Variants in CEP57L1 observed in about 807,000 individuals in gnomAD.
The protein encoded by CEP57L1 is centrosomal protein 57 like 1, also known as centrosomal protein CEP57L1.
In CEP57L1, 37 loss-of-function variants were observed where a neutral mutation model predicts 61.0. The ratio of observed to expected loss-of-function variants is 0.61; its 90% confidence interval spans 0.47 to 0.80. CEP57L1 has a LOEUF of 0.80. Ranked by LOEUF, CEP57L1 falls within the 30% of genes least tolerant of loss-of-function variation. The probability of loss-of-function intolerance (pLI) is 0.00; values close to 1 mark genes in which losing one functional copy is unlikely to be tolerated. For synonymous variants in CEP57L1, 137 were observed against 162.3 expected, an observed-to-expected ratio of 0.84 and a Z score of 1.19; for missense variants, 422 against 524.7, an observed-to-expected ratio of 0.80 and a Z score of 1.91.
chr6:109,159,332 C>T lies in CEP57L1; in HGVS notation c.886C>T (p.Leu296Phe). ...TTTTAACGTGACTGAGACTAGATGT[C>T]TCCCCAAGCCTTCTAGAACAACTTC... The part of the protein sequence containing the change: ...KPFNVTETRC[L>F]PKPSRTTSWC... The change falls in exon 9 of 11, where the codon CTC becomes TTC. Residue 296 changes from leucine to phenylalanine, a missense_variant. Coordinates refer to ENST00000517392, the MANE Select transcript of CEP57L1 (RefSeq NM_001271852.3). The T allele has an allele frequency of 6.2e-7, 1 of 1,614,104 alleles. No homozygotes were observed. Among genetic ancestry groups the T allele is most frequent in the Non-Finnish European group, 8.5e-7 (1 of 1,179,982 alleles).
rs551066674 is a variant in CEP57L1 at position 109,131,558 on chromosome 6, G to A, written c.-3-13661G>A. On this transcript the variant is annotated intron_variant, in intron 1 of 10. Coordinates refer to ENST00000517392, the MANE Select transcript of CEP57L1 (RefSeq NM_001271852.3). ...TGCAACTAAAACTGGTTTGTCTGAA[G>A]CAGTTAGTATCTCTAAAGTATGTCT... 4.9e-4 allele frequency among the ~76,000 whole-genome samples: 75 copies of A among 151,944 alleles called. 1 individual carries two copies. Among genetic ancestry groups the A allele is most frequent in the South Asian group, 2.5e-3 (12 of 4,808 alleles).
chr6:109,148,858 T>C (rs1407782238), intron 3 of CEP57L1, among the ~76,000 whole-genome samples: 2 of 152,382 alleles, frequency 1.3e-5, no homozygotes, highest in East Asian at 3.9e-4. Context: ...TTTGCATTTC[T>C]CTGATGGCCA....
At chr6:109,096,897 C>T (rs1244847097) in intron 1 of CEP57L1, among the ~76,000 whole-genome samples, 1 of 152,080 alleles carries the variant, frequency 6.6e-6, no homozygotes, top group Non-Finnish European at 1.5e-5. Flanking sequence ...TCATGTATAC[C>T]CATGGCTTCA....
intron 7 of CEP57L1, chr6:109,157,230 A>G (rs1319861783): frequency 6.6e-6 from 1 of 152,156 alleles, no homozygotes; most frequent in Non-Finnish European, 1.5e-5. Context: ...GTCTCTTTTT[A>G]AAGATGGAGG....
chr6:109,145,448 G>T (rs1771863164), intron 2 of CEP57L1, 67 bp downstream of exon 2: 1 of 1,083,470 alleles, frequency 9.2e-7, no homozygotes, highest in Non-Finnish European at 1.3e-6. Flanking sequence ...TATTTATGTG[G>T]AATACAATAT....
rs1387112550 is a variant in CEP57L1 at position 109,125,520 on chromosome 6, A to T, written c.-3-19699A>T. 3.6e-4 allele frequency among the ~76,000 whole-genome samples: 51 copies of T among 142,110 alleles called. 1 individual carries two copies. The South Asian group carries it at 8.5e-3, about 24-fold the overall frequency. 93.2% of individuals were successfully genotyped at this position (142,110 alleles called of 152,430 possible). A position where few individuals can be genotyped will look rare whatever the true frequency, so the allele number is the denominator to read the frequency against. ...TATATATATATATACATATATATAT[A>T]TATATTTTTTTTTTAACCAGTTTCT... is the stretch of plus-strand genomic sequence containing the variant. On this transcript the variant is annotated intron_variant, in intron 1 of 10. Transcript: ENST00000517392.
chr6:109,169,859 A>G lies in CEP57L1; in HGVS notation c.*6889A>G, dbSNP rs1001229835. On this transcript the variant is annotated 3_prime_UTR_variant, in exon 11 of 11. Coordinates refer to ENST00000517392, the MANE Select transcript of CEP57L1 (RefSeq NM_001271852.3). ...CCTATTTTTCCGAGCATCAACAGTC[A>G]GTGGCACCATGAAAATTAAAAACCT... Among the ~76,000 whole-genome samples the G allele has an allele frequency of 6.6e-6, 1 of 152,226 alleles. No individual in the cohort carries two copies. Among genetic ancestry groups the G allele is most frequent in the African/African-American group, 2.4e-5 (1 of 41,462 alleles).
At chr6:109,146,066 AATTT>A (rs1388494515) in intron 2 of CEP57L1, among the ~76,000 whole-genome samples, 1 of 151,924 alleles carries the variant, frequency 6.6e-6, no homozygotes, top group South Asian at 2.1e-4. Flanking sequence ...GAATAAATAT[AATTT>A]ATTTATCTCA....
Position 109,169,243 on chromosome 6 carries a change from A to AC in CEP57L1, c.*6273_*6274insC, listed in dbSNP as rs1774292916. Among the ~76,000 whole-genome samples the AC allele has an allele frequency of 6.6e-6, 1 of 151,840 alleles. No homozygotes were observed. Among genetic ancestry groups the AC allele is most frequent in the Admixed American group, 6.6e-5 (1 of 15,254 alleles). On this transcript the variant is annotated 3_prime_UTR_variant, in exon 11 of 11. Transcript: ENST00000517392. Reference sequence around the variant, plus strand: ...TCCATCAGCAAAAAAAAAAAAAAAAAAAAAGATCAGAGTGCATCACACATA... The same window carrying AC: ...TCCATCAGCAAAAAAAAAAAAAAAAACAAAAGATCAGAGTGCATCACACATA...
At chr6:109,143,470 C>T (rs1390916436) in intron 1 of CEP57L1, among the ~76,000 whole-genome samples, 3 of 152,140 alleles carry the variant, frequency 2.0e-5, no homozygotes, top group Non-Finnish European at 4.4e-5. Context: ...CTCTGTGTCA[C>T]AACATAACTT....
At chr6:109,138,276 C>A (rs1057173090) in intron 1 of CEP57L1, among the ~76,000 whole-genome samples, 1 of 151,972 alleles carries the variant, frequency 6.6e-6, no homozygotes, top group Non-Finnish European at 1.5e-5. Flanking sequence ...ATTCTGGTTG[C>A]TGGGTGAAGA....
rs1774410210 is a variant in CEP57L1, at chr6:109,171,575, A to G, written c.*8605A>G. On this transcript the variant is annotated 3_prime_UTR_variant, in exon 11 of 11. Transcript: ENST00000517392. ...TTTGATTCTCTTAAACCGTTCTACT[A>G]AAATACTATCAGTTTAAACTACCAT... is the stretch of plus-strand genomic sequence containing the variant. Among the ~76,000 whole-genome samples the G allele has an allele frequency of 1.3e-5, 2 of 152,124 alleles. No homozygotes were observed. The highest frequency in any genetic ancestry group is 4.8e-5 in the African/African-American group (2 of 41,426).
At position 109,155,264 on chromosome 6, in the gene CEP57L1, A is replaced by C; in HGVS notation, c.614A>C (p.Glu205Ala). ...KIKHLEEKLKEEEHQRKLFQD... is the reference protein window; with the variant it reads ...KIKHLEEKLKAEEHQRKLFQD... ...AAACATTTAGAAGAAAAACTTAAGG[A>C]AGAAGAACATCAGCGTAAGCTATTT... The change falls in exon 6 of 11, where the codon GAA becomes GCA. Residue 205 changes from glutamate (E) to alanine (A), a missense_variant. Physicochemically the swap from Glu to Ala is moderately radical, Grantham distance 107. Transcript: ENST00000517392. The C allele has an allele frequency of 1.3e-6, 2 of 1,597,660 alleles. No individual in the cohort carries two copies. The highest frequency in any genetic ancestry group is 1.7e-6 in the Non-Finnish European group (2 of 1,170,712).
In CEP57L1 at chr6:109,118,181, G is replaced by A. The variant is rs147944749; in HGVS notation, c.-4+22606G>A. ...CTCCTTAGTAGCTGGAATTACAGGCGCCCACCACCAACTCCAGCTAATTTT... is the reference window on the plus strand; with the variant it reads ...CTCCTTAGTAGCTGGAATTACAGGCACCCACCACCAACTCCAGCTAATTTT... On this transcript the variant is annotated intron_variant, in intron 1 of 10. Transcript: ENST00000517392. Among the ~76,000 whole-genome samples, 145 of 152,126 alleles carry A rather than the reference G, an allele frequency of 9.5e-4. No homozygotes were observed. The South Asian group carries it at 0.014, about 15-fold the overall frequency.
intron 1 of CEP57L1, among the ~76,000 whole-genome samples, chr6:109,132,868 T>C (rs1774351233): frequency 2.0e-5 from 3 of 152,182 alleles, no homozygotes. Flanking sequence ...TTGAGCATCT[T>C]TTCCTATATT....
At chr6:109,114,238 A>G (rs938109873) in intron 1 of CEP57L1, among the ~76,000 whole-genome samples, 2 of 152,110 alleles carry the variant, frequency 1.3e-5, no homozygotes, top group Non-Finnish European at 2.9e-5. Context: ...CATCTTTTTG[A>G]TAATAGCCAA....
At chr6:109,132,613 C>T (rs539937246) in intron 1 of CEP57L1, among the ~76,000 whole-genome samples, 7 of 152,158 alleles carry the variant, frequency 4.6e-5, no homozygotes, top group African/African-American at 7.2e-5. Flanking sequence ...AAGACTTATT[C>T]GCTAGATTGT....
At position 109,167,702 on chromosome 6, in the gene CEP57L1, AG is replaced by A. The variant is rs1379651585; in HGVS notation, c.*4733del. Among the ~76,000 whole-genome samples, 2 of 152,008 alleles carry A rather than the reference AG, an allele frequency of 1.3e-5. No homozygotes were observed. Among genetic ancestry groups the A allele is most frequent in the East Asian group, 3.8e-4 (2 of 5,198 alleles). On this transcript the variant is annotated 3_prime_UTR_variant, in exon 11 of 11. Transcript: ENST00000517392. ...AAAGCAAAAAAAAAAAGAAAAGAAA[AG>A]AAAAAAGGAATAGCCCAGTATTGTT...
intron 1 of CEP57L1, among the ~76,000 whole-genome samples, chr6:109,125,980 G>A (rs1292502739): frequency 1.3e-5 from 2 of 152,054 alleles, no homozygotes; most frequent in Non-Finnish European, 2.9e-5. Context: ...CAATATGTGT[G>A]TGTGTTTTTT....
Sources: allele counts gnomAD v4.1 joint callset (sites outside exome capture counted in the v4.1 genomes callset), GRCh38; gene constraint gnomAD v4.1.1; transcripts MANE v1.5; gene names NCBI Gene and HGNC (gene_info 2026-07-23, HGNC 2026-07-21).